Variants in DCDC2C observed in about 807,000 individuals in gnomAD.
The protein encoded by DCDC2C is doublecortin domain-containing protein 2C.
In DCDC2C, 44 loss-of-function variants were observed where a neutral mutation model predicts 45.0. The ratio of observed to expected loss-of-function variants is 0.98; its 90% CI spans 0.77 to 1.26. DCDC2C has a LOEUF of 1.26. Ranked by LOEUF, DCDC2C falls within the 50% of genes most tolerant of loss-of-function variation. The pLI is 0.00. For synonymous variants in DCDC2C, 187 were observed against 178.8 expected (o/e 1.05, Z -0.37); for missense variants, 447 against 468.9 (o/e 0.95, Z 0.43).
At chr2:3,825,609 A>G (rs34929907) in intron 10 of DCDC2C, among the ~76,000 whole-genome samples, 39,848 of 152,022 alleles carry the variant, frequency 0.26, 5,507 homozygotes, top group South Asian at 0.36. Flanking sequence ...TTAGTATGAA[A>G]CGGGTCTGTA....
At chr2:3,719,287 A>G (rs895339448) in intron 2 of DCDC2C, among the ~76,000 whole-genome samples, 5 of 152,212 alleles carry the variant, frequency 3.3e-5, no homozygotes, top group African/African-American at 4.8e-5. Context: ...GTGTTTCACC[A>G]TGTTAGCTAG....
intron 10 of DCDC2C, among the ~76,000 whole-genome samples, chr2:3,800,943 T>C (rs1361116692): frequency 6.6e-6 from 1 of 152,178 alleles, no homozygotes. Flanking sequence ...TGACTCTTAG[T>C]ACTATGATGA....
At chr2:3,730,735 C>A in intron 3 of DCDC2C, among the ~76,000 whole-genome samples, 1 of 152,244 alleles carries the variant, frequency 6.6e-6, no homozygotes, top group Middle Eastern at 3.4e-3. Context: ...GCGCCTGGGT[C>A]GTGACTGCCC....
intron 2 of DCDC2C, among the ~76,000 whole-genome samples, chr2:3,711,926 T>C (rs1668222266): frequency 6.6e-6 from 1 of 152,212 alleles, no homozygotes; most frequent in Non-Finnish European, 1.5e-5. Flanking sequence ...AGCAGTATCA[T>C]GTCAGCGTGC....
intron 10 of DCDC2C, among the ~76,000 whole-genome samples, chr2:3,816,777 C>CG (rs1386789180): frequency 1.3e-5 from 2 of 152,124 alleles, no homozygotes; most frequent in Non-Finnish European, 2.9e-5. Context: ...AGTCAATTTG[C>CG]CAGTCCTGGG....
intron 2 of DCDC2C, among the ~76,000 whole-genome samples, chr2:3,712,520 G>A (rs1442933091): frequency 1.3e-5 from 2 of 151,784 alleles, no homozygotes; most frequent in African/African-American, 4.8e-5. Flanking sequence ...TCCAGGCATG[G>A]TGGCACGTGG....
In DCDC2C at chr2:3,835,173, A is replaced by G. The variant is rs1672045219; in HGVS notation, c.1066-11981A>G. ...CAGCCACTCTAAGGCTCACACAGGC[A>G]TGATTTGGGTTGAATTTTTAAAATC... On this transcript the variant is annotated intron_variant, in intron 10 of 10. Transcript: ENST00000399143. 1.3e-5 allele frequency among the ~76,000 whole-genome samples: 2 copies of G among 152,308 alleles called. 1 individual carries two copies. Among genetic ancestry groups the G allele is most frequent in the South Asian group, 4.1e-4 (2 of 4,820 alleles).
rs140077274 is a variant in DCDC2C, at chr2:3,716,174, G to A, written c.339+7574G>A. Among the ~76,000 whole-genome samples, 215 of 152,298 alleles carry A rather than the reference G, an allele frequency of 1.4e-3. 1 individual carries two copies. The highest frequency in any genetic ancestry group is 4.8e-3 in the African/African-American group (199 of 41,562). On this transcript the variant is annotated intron_variant, in intron 2 of 10. Transcript: ENST00000399143. ...TGGGGATTTAGATCATTGTGGTGGC[G>A]TTGGTGATTATGAATTCACGCTGGG...
At chr2:3,710,963 T>C (rs1177487325) in intron 2 of DCDC2C, among the ~76,000 whole-genome samples, 2 of 152,204 alleles carry the variant, frequency 1.3e-5, no homozygotes, top group African/African-American at 4.8e-5. Flanking sequence ...TTTTCTTTCT[T>C]GAATGGTAGT....
intron 10 of DCDC2C, among the ~76,000 whole-genome samples, chr2:3,820,418 G>A (rs1346034439): frequency 6.6e-6 from 1 of 152,270 alleles, no homozygotes; most frequent in East Asian, 1.9e-4. Context: ...AGAAAAGAGA[G>A]GGTAGAGACA....
intron 3 of DCDC2C, among the ~76,000 whole-genome samples, chr2:3,728,190 C>T (rs2148077276): frequency 6.6e-6 from 1 of 152,298 alleles, no homozygotes; most frequent in South Asian, 2.1e-4. Flanking sequence ...CCGACAGATC[C>T]TCAGGCTGGG....
rs1478102040 is a variant in DCDC2C at position 3,741,995 on chromosome 2, C to T, written c.492C>T (p.Asp164=). 1 of 1,548,684 alleles carries T rather than the reference C, an allele frequency of 6.5e-7. No homozygotes were observed. The highest frequency in any genetic ancestry group is 8.7e-7 in the Non-Finnish European group (1 of 1,146,354). ...IIPKFSLSDW[D]IVLATIGEKV... is the part of the protein sequence containing the mutation. ...CCAAATTTAGTCTGTCCGATTGGGA[C>T]ATCGTGCTGGCCACGATCGGAGAAA... The change falls in exon 4 of 11, where the codon GAC becomes GAT. Residue 164 remains aspartate (D), a synonymous_variant. Transcript: ENST00000399143.
intron 10 of DCDC2C, chr2:3,788,587 G>A (rs1670716861): frequency 6.6e-6 from 1 of 151,928 alleles, no homozygotes; most frequent in Non-Finnish European, 1.5e-5. Context: ...TAAAAAAAAA[G>A]TACCTAACAT....
intron 4 of DCDC2C, among the ~76,000 whole-genome samples, chr2:3,745,056 G>T (rs1041560395): frequency 3.9e-5 from 6 of 152,242 alleles, no homozygotes; most frequent in African/African-American, 9.6e-5. Flanking sequence ...TGCAATCTCG[G>T]CTCACTGCAA....
intron 5 of DCDC2C, among the ~76,000 whole-genome samples, chr2:3,753,723 G>A (rs1669609024): frequency 3.3e-5 from 5 of 152,156 alleles, no homozygotes. Context: ...ACATCAGCAC[G>A]AGTGCTTGAA....
chr2:3,753,281 C>G (rs73144862), intron 5 of DCDC2C, among the ~76,000 whole-genome samples: 4,291 of 152,270 alleles, frequency 0.028, 194 homozygotes, highest in African/African-American at 0.098. Context: ...ATCTAAAATA[C>G]AGAATTTGTG....
intron 9 of DCDC2C, among the ~76,000 whole-genome samples, chr2:3,781,361 A>C (rs887035859): frequency 5.9e-5 from 9 of 152,232 alleles, no homozygotes; most frequent in African/African-American, 1.9e-4. Context: ...TAGGCATATG[A>C]TTGCCGGCTT....
intron 10 of DCDC2C, among the ~76,000 whole-genome samples, chr2:3,829,116 G>T (rs559312898): frequency 6.6e-6 from 1 of 152,114 alleles, no homozygotes; most frequent in South Asian, 2.1e-4. Flanking sequence ...CGCTGCACAG[G>T]GCCTGTGATG....
chr2:3,794,985 T>G (rs1339909730), intron 10 of DCDC2C, among the ~76,000 whole-genome samples: 1 of 152,200 alleles, frequency 6.6e-6, no homozygotes, highest in Admixed American at 6.5e-5. Flanking sequence ...CCACCAACAG[T>G]GTAAAAGTGT....
Sources: allele counts gnomAD v4.1 joint callset (sites outside exome capture counted in the v4.1 genomes callset), GRCh38; gene constraint gnomAD v4.1.1; transcripts MANE v1.5; gene names NCBI Gene and HGNC (gene_info 2026-07-23, HGNC 2026-07-21).